Variants in KLHL32 observed in about 807,000 individuals in gnomAD.
KLHL32 encodes kelch like family member 32.
KLHL32 carries 35 observed loss-of-function variants against 64.8 expected under a neutral mutation model. The ratio of observed to expected loss-of-function variants is 0.54; its 90% CI spans 0.41 to 0.72. The LOEUF is 0.72. Among genes scored for constraint, KLHL32 ranks in the 30% least tolerant of loss-of-function variants. KLHL32 has a pLI of 0.00. For synonymous variants in KLHL32, 259 were observed against 281.0 expected, an observed-to-expected ratio of 0.92 and a Z score of 0.78; for missense variants, 589 against 768.5, an observed-to-expected ratio of 0.77 and a Z score of 2.76.
At chr6:96,908,459 C>T in the KLHL32 span, among the ~76,000 whole-genome samples, 1 of 152,172 alleles carries the variant, frequency 6.6e-6, no homozygotes, top group East Asian at 1.9e-4. Context: ...CAGGGTTCTG[C>T]CACATGCACA....
the KLHL32 span, among the ~76,000 whole-genome samples, chr6:96,916,464 T>A: frequency 6.6e-6 from 1 of 152,182 alleles, no homozygotes; most frequent in African/African-American, 2.4e-5. Flanking sequence ...TTACTTTCCA[T>A]TAGTTTCCCT....
At chr6:96,943,258 A>T (rs150969889) in intron 1 of KLHL32, among the ~76,000 whole-genome samples, 11 of 152,030 alleles carry the variant, frequency 7.2e-5, no homozygotes, top group African/African-American at 2.4e-4. Context: ...CTCAAAATGG[A>T]TTTGGCTTAT....
rs189849411 is a variant in KLHL32 at position 97,061,553 on chromosome 6, C to T, written c.313-3075C>T. On this transcript the variant is annotated intron_variant, in intron 4 of 10. Coordinates refer to ENST00000369261, the MANE Select transcript of KLHL32 (RefSeq NM_052904.4). ...CTGTGTGCTTTCAGATCTTGGGGAA[C>T]ATCTCTTCCTTCCTGCAGGTGGTCC... Among the ~76,000 whole-genome samples, 228 of 152,300 alleles carry T rather than the reference C, an allele frequency of 1.5e-3. 1 individual carries two copies. Among genetic ancestry groups the T allele is most frequent in the African/African-American group, 5.4e-3 (223 of 41,562 alleles).
chr6:97,058,790 C>G (rs2128145515), intron 4 of KLHL32, among the ~76,000 whole-genome samples: 1 of 152,284 alleles, frequency 6.6e-6, no homozygotes, highest in Non-Finnish European at 1.5e-5. Context: ...GAAACCACAG[C>G]CTGAGATTTG....
intron 6 of KLHL32, among the ~76,000 whole-genome samples, chr6:97,104,912 T>G (rs1205379249): frequency 6.6e-6 from 1 of 152,228 alleles, no homozygotes; most frequent in African/African-American, 2.4e-5. Context: ...AGAATGTAAC[T>G]ATAAGATCTG....
the KLHL32 span, among the ~76,000 whole-genome samples, chr6:96,912,101 C>T: frequency 9.9e-5 from 15 of 152,056 alleles, no homozygotes; most frequent in Admixed American, 2.6e-4. Context: ...CATCTTCCCC[C>T]GACAAACCTG....
At chr6:97,083,160 G>C (rs1792842403) in intron 5 of KLHL32, among the ~76,000 whole-genome samples, 1 of 152,152 alleles carries the variant, frequency 6.6e-6, no homozygotes, top group Non-Finnish European at 1.5e-5. Flanking sequence ...GGGAGGCCAA[G>C]GTGGGCGGAT....
intron 1 of KLHL32, among the ~76,000 whole-genome samples, chr6:96,935,391 T>C (rs1582391426): frequency 1.3e-5 from 2 of 152,326 alleles, no homozygotes; most frequent in Admixed American, 1.3e-4. Context: ...AATTGTTTTA[T>C]TGAGTTACCT....
Position 96,975,507 on chromosome 6 carries a change from G to GT in KLHL32, c.24-488dup, listed in dbSNP as rs1775596655. ...ACATTTGCTCAGTTTTCTTGTATGTGTTAACAGAGTCTTGTGTCCTGTGGG... is the reference window on the plus strand; with the variant it reads ...ACATTTGCTCAGTTTTCTTGTATGTGTTTAACAGAGTCTTGTGTCCTGTGGG... On this transcript the variant is annotated intron_variant, in intron 2 of 10. Transcript: ENST00000369261. Among the ~76,000 whole-genome samples the GT allele has an allele frequency of 2.0e-5, 3 of 152,116 alleles. No individual in the cohort carries two copies. The South Asian group carries it at 6.2e-4, about 32-fold the overall frequency.
chr6:96,954,739 G>C (rs1233776664), intron 1 of KLHL32, among the ~76,000 whole-genome samples: 1 of 152,156 alleles, frequency 6.6e-6, no homozygotes, highest in Non-Finnish European at 1.5e-5. Flanking sequence ...TTTCTCCAGA[G>C]AGCAAATATC....
At chr6:97,102,075 G>C (rs922066677) in intron 6 of KLHL32, among the ~76,000 whole-genome samples, 2 of 152,170 alleles carry the variant, frequency 1.3e-5, no homozygotes, top group East Asian at 3.8e-4. Flanking sequence ...TATCATACTT[G>C]TTTTGCTGAG....
In KLHL32 at chr6:97,100,966, C is replaced by CTTTTTTTTT. The variant is rs58422496; in HGVS notation, c.628-12804_628-12796dup. On this transcript the variant is annotated intron_variant, in intron 6 of 10. Coordinates refer to ENST00000369261, the MANE Select transcript of KLHL32 (RefSeq NM_052904.4). ...ACAGGCATGTGCCACTGCAGCCAAG[C>CTTTTTTTTT]TTTTTTTTTTTTTTTTTTTTTGGTA... Among the ~76,000 whole-genome samples the CTTTTTTTTT allele has an allele frequency of 7.5e-3, 518 of 69,448 alleles. 76 individuals carry two copies. Among genetic ancestry groups the CTTTTTTTTT allele is most frequent in the African/African-American group, 0.021 (300 of 14,094 alleles). 45.6% of individuals were successfully genotyped at this position (69,448 alleles called of 152,430 possible).
the KLHL32 span, among the ~76,000 whole-genome samples, chr6:96,898,786 T>C: frequency 1.1e-4 from 17 of 152,328 alleles, no homozygotes; most frequent in Admixed American, 2.6e-4. Flanking sequence ...GTGCTGCTTT[T>C]ATTTAAGACC....
Position 97,100,966 on chromosome 6 carries a change from C to CTTTT in KLHL32, c.628-12799_628-12796dup, listed in dbSNP as rs58422496. On this transcript the variant is annotated intron_variant, in intron 6 of 10. Coordinates refer to ENST00000369261, the MANE Select transcript of KLHL32 (RefSeq NM_052904.4). ...ACAGGCATGTGCCACTGCAGCCAAG[C>CTTTT]TTTTTTTTTTTTTTTTTTTTTGGTA... is the stretch of plus-strand genomic sequence containing the variant. Among the ~76,000 whole-genome samples, 37 of 69,474 alleles carry CTTTT rather than the reference C, an allele frequency of 5.3e-4. 3 individuals carry two copies. The highest frequency in any genetic ancestry group is 7.3e-4 in the East Asian group (2 of 2,756). 45.6% of individuals were successfully genotyped at this position (69,474 alleles called of 152,430 possible). A position where few individuals can be genotyped will look rare whatever the true frequency, so the allele number is the denominator to read the frequency against.
chr6:96,997,080 GGGAT>G (rs1471659355), intron 3 of KLHL32, among the ~76,000 whole-genome samples: 2 of 152,108 alleles, frequency 1.3e-5, no homozygotes, highest in Admixed American at 6.5e-5. Context: ...TGGGAGCAAA[GGGAT>G]GTTCATGCTG....
chr6:97,065,429 G>A (rs572219983), intron 5 of KLHL32, among the ~76,000 whole-genome samples: 1 of 152,280 alleles, frequency 6.6e-6, no homozygotes, highest in South Asian at 2.1e-4. Context: ...TGATTCCAAA[G>A]ACCATTTCTT....
the KLHL32 span, among the ~76,000 whole-genome samples, chr6:96,898,987 G>T: frequency 2.0e-5 from 3 of 152,004 alleles, no homozygotes; most frequent in Non-Finnish European, 4.4e-5. Flanking sequence ...AAAGATAATC[G>T]AATAGAATAA....
At position 96,981,776 on chromosome 6, in the gene KLHL32, A is replaced by G. The variant is rs543497846; in HGVS notation, c.204+5599A>G. Among the ~76,000 whole-genome samples, 38 of 152,078 alleles carry G rather than the reference A, an allele frequency of 2.5e-4. 1 individual carries two copies. On this transcript the variant is annotated intron_variant, in intron 3 of 10. Coordinates refer to ENST00000369261, the MANE Select transcript of KLHL32 (RefSeq NM_052904.4). Reference sequence around the variant, plus strand: ...TCTTTGTTCTCATTATTTTTAAATAATTTTTTGACTTCTACCTTAATTTCA... The same window carrying G: ...TCTTTGTTCTCATTATTTTTAAATAGTTTTTTGACTTCTACCTTAATTTCA...
In KLHL32 at chr6:97,132,708, A is replaced by G; in HGVS notation, c.1662A>G (p.Gly554=). The part of the protein sequence containing the change: ...VHNGRIYLVG[G]YSIWTNEPLA... ...ATGGGAGAATATATTTAGTTGGTGG[A>G]TATTCAATTTGGACAAATGAGCCTC... The change falls in exon 10 of 11, where the codon GGA becomes GGG. Residue 554 remains glycine, a synonymous_variant. Transcript: ENST00000369261. 1 of 1,613,434 alleles carries G rather than the reference A, an allele frequency of 6.2e-7. No homozygotes were observed. Among genetic ancestry groups the G allele is most frequent in the Admixed American group, 1.7e-5 (1 of 59,960 alleles).
Sources: allele counts gnomAD v4.1 joint callset (sites outside exome capture counted in the v4.1 genomes callset), GRCh38; gene constraint gnomAD v4.1.1; transcripts MANE v1.5; gene names NCBI Gene and HGNC (gene_info 2026-07-23, HGNC 2026-07-21).